GPC5: variants seen among roughly 807,000 people sequenced by gnomAD.
GPC5 encodes glypican 5.
In GPC5, 47 loss-of-function variants were observed where a neutral mutation model predicts 53.9. That is an observed-to-expected ratio of 0.87 (90% CI 0.69 to 1.11). The LOEUF is 1.11. Among genes scored for constraint, GPC5 ranks in the 50% most tolerant of loss-of-function variants. The pLI is 0.00. For synonymous variants in GPC5, 286 were observed against 263.3 expected (o/e 1.09, Z -0.84); for missense variants, 748 against 713.1 (o/e 1.05, Z -0.56).
intron 6 of GPC5, among the ~76,000 whole-genome samples, chr13:92,031,763 AT>A (rs2040847872): frequency 2.0e-5 from 2 of 99,150 alleles, no homozygotes; most frequent in African/African-American, 5.2e-5. Context: ...TATATTACAT[AT>A]TATATATAAT....
chr13:92,286,811 C>G (rs567839134), intron 7 of GPC5, among the ~76,000 whole-genome samples: 1 of 151,888 alleles, frequency 6.6e-6, no homozygotes, highest in African/African-American at 2.4e-5. Context: ...GTGCAGCACA[C>G]CAACATGGCA....
chr13:91,743,035 G>A (rs575127776), intron 4 of GPC5, among the ~76,000 whole-genome samples: 6 of 152,148 alleles, frequency 3.9e-5, no homozygotes, highest in Admixed American at 6.5e-5. Context: ...AATTATTACC[G>A]TGGGCCTATC....
At chr13:91,792,315 A>G (rs1472327101) in intron 5 of GPC5, among the ~76,000 whole-genome samples, 1 of 152,198 alleles carries the variant, frequency 6.6e-6, no homozygotes, top group Admixed American at 6.5e-5. Flanking sequence ...TTGGTTTAGT[A>G]ACATAGGAGG....
At chr13:91,820,097 A>T in intron 5 of GPC5, among the ~76,000 whole-genome samples, 1 of 151,824 alleles carries the variant, frequency 6.6e-6, no homozygotes, top group Middle Eastern at 3.4e-3. Flanking sequence ...TGTCATTGTC[A>T]TTGTTGGTGG....
chr13:91,591,709 C>T (rs1180318317), intron 2 of GPC5, among the ~76,000 whole-genome samples: 1 of 152,134 alleles, frequency 6.6e-6, no homozygotes, highest in Non-Finnish European at 1.5e-5. Flanking sequence ...AGATTCCTTC[C>T]TCAGCTTAGT....
intron 7 of GPC5, among the ~76,000 whole-genome samples, chr13:92,767,073 G>A (rs1054281127): frequency 2.0e-5 from 3 of 152,212 alleles, no homozygotes; most frequent in Non-Finnish European, 4.4e-5. Context: ...TTGAATCAAG[G>A]TCCTTGGAAT....
chr13:92,706,820 T>C (rs763616020), intron 7 of GPC5, among the ~76,000 whole-genome samples: 221 of 152,328 alleles, frequency 1.5e-3, no homozygotes, highest in Non-Finnish European at 2.6e-3. Flanking sequence ...GAATGAATGT[T>C]TGTGTCCCTG....
chr13:91,989,786 A>G (rs2040440637), intron 6 of GPC5, among the ~76,000 whole-genome samples: 1 of 152,184 alleles, frequency 6.6e-6, no homozygotes, highest in Non-Finnish European at 1.5e-5. Context: ...ATTACTATGA[A>G]TGCTACACAA....
intron 4 of GPC5, among the ~76,000 whole-genome samples, chr13:91,746,521 A>G (rs894234628): frequency 1.3e-5 from 2 of 152,198 alleles, no homozygotes; most frequent in Non-Finnish European, 2.9e-5. Context: ...GGTGCAATAT[A>G]TGACAATTTA....
chr13:91,985,685 C>T (rs1339057202), intron 6 of GPC5, among the ~76,000 whole-genome samples: 1 of 152,026 alleles, frequency 6.6e-6, no homozygotes, highest in Non-Finnish European at 1.5e-5. Flanking sequence ...TTATTACTTC[C>T]CAAACAATCC....
intron 2 of GPC5, among the ~76,000 whole-genome samples, chr13:91,679,129 C>T (rs9589328): frequency 0.021 from 3,250 of 152,090 alleles, 109 homozygotes; most frequent in African/African-American, 0.07. Context: ...GATATTAAGG[C>T]AATATCTGGC....
At chr13:92,832,726 G>T (rs990454806) in intron 7 of GPC5, among the ~76,000 whole-genome samples, 1 of 152,092 alleles carries the variant, frequency 6.6e-6, no homozygotes, top group African/African-American at 2.4e-5. Flanking sequence ...CCACAATTTT[G>T]GCCTGGCATG....
chr13:91,713,830 AC>A (rs1274952933), intron 3 of GPC5, among the ~76,000 whole-genome samples: 1 of 152,178 alleles, frequency 6.6e-6, no homozygotes, highest in African/African-American at 2.4e-5. Flanking sequence ...TGATTTTATA[AC>A]CTAAATATGT....
chr13:92,700,363 C>CA (rs1343259724), intron 7 of GPC5, among the ~76,000 whole-genome samples: 1 of 149,170 alleles, frequency 6.7e-6, no homozygotes, highest in Non-Finnish European at 1.5e-5. Flanking sequence ...CTCCTGCATA[C>CA]AGCACTCTGA....
intron 7 of GPC5, among the ~76,000 whole-genome samples, chr13:92,498,506 G>A (rs1192831129): frequency 6.6e-6 from 1 of 152,146 alleles, no homozygotes; most frequent in Non-Finnish European, 1.5e-5. Flanking sequence ...ACCACTTACA[G>A]ATGTTTCTGT....
chr13:92,357,220 G>A (rs950476774), intron 7 of GPC5, among the ~76,000 whole-genome samples: 4 of 151,594 alleles, frequency 2.6e-5, no homozygotes, highest in Non-Finnish European at 5.9e-5. Flanking sequence ...ATATTCCTTT[G>A]GGTATATACC....
At chr13:92,476,612 T>C (rs1879142284) in intron 7 of GPC5, among the ~76,000 whole-genome samples, 4 of 149,338 alleles carry the variant, frequency 2.7e-5, no homozygotes, top group African/African-American at 1.0e-4. Context: ...TACTGCGGCA[T>C]TATTCACAAT....
intron 7 of GPC5, among the ~76,000 whole-genome samples, chr13:92,804,300 C>T (rs1452939040): frequency 6.6e-6 from 1 of 151,926 alleles, no homozygotes; most frequent in Admixed American, 6.6e-5. Context: ...TGGGAAAGAA[C>T]TCTTTCATTT....
chr13:91,928,322 A>G (rs2039788293), intron 6 of GPC5, among the ~76,000 whole-genome samples: 1 of 152,134 alleles, frequency 6.6e-6, no homozygotes, highest in African/African-American at 2.4e-5. Flanking sequence ...CATAGATTCA[A>G]TTTTCATAGG....
Sources: allele counts gnomAD v4.1 joint callset (sites outside exome capture counted in the v4.1 genomes callset), GRCh38; gene constraint gnomAD v4.1.1; transcripts MANE v1.5; gene names NCBI Gene and HGNC (gene_info 2026-07-23, HGNC 2026-07-21).